Variants in MCF2L observed in about 807,000 individuals in gnomAD.
MCF2L encodes MCF.2 cell line derived transforming sequence like, also known as guanine nucleotide exchange factor DBS.
A neutral mutation model predicts 153.4 loss-of-function variants in MCF2L; 97 were observed. The observed-to-expected ratio is 0.63, with a 90% CI of 0.54 to 0.75. The LOEUF is 0.75. Ranked by LOEUF, MCF2L falls within the 30% of genes least tolerant of loss-of-function variation. The pLI is 0.00. For missense variants in MCF2L, 1,347 were observed against 1,495.2 expected (o/e 0.90, Z 1.64); for synonymous variants, 659 against 632.2 (o/e 1.04, Z -0.64).
At chr13:112,956,421 A>G (rs2081758097) in intron 2 of MCF2L, 1 of 152,286 alleles carries the variant, frequency 6.6e-6, no homozygotes, top group Admixed American at 6.5e-5. Context: ...TTAAGTGTTA[A>G]TGACATTCTG....
At position 113,046,308 on chromosome 13, in the gene MCF2L, C is replaced by A; in HGVS notation, c.369+947C>A. 3.4e-6 allele frequency: 1 copy of A among 293,984 alleles called. No homozygotes were observed. The highest frequency in any genetic ancestry group is 4.8e-5 in the Admixed American group (1 of 20,746). 18.2% of individuals were successfully genotyped at this position (293,984 alleles called of 1,614,324 possible). A position where few individuals can be genotyped will look rare whatever the true frequency, so the allele number is the denominator to read the frequency against. On this transcript the variant is annotated intron_variant, in intron 4 of 29. Coordinates refer to ENST00000535094, the MANE Select transcript of MCF2L (RefSeq NM_001112732.3). This position sits in a 1 kb window ranked among gnomAD's most constrained non-coding sequence, Gnocchi z 4.4. ...GTGACCCAGAGCCTGGGTCCAGGCA[C>A]CTGCATGTTCTCACGCCCGCCACAG...
At chr13:112,897,459 G>T (rs1214899445) in intron 1 of MCF2L, among the ~76,000 whole-genome samples, 1 of 152,190 alleles carries the variant, frequency 6.6e-6, no homozygotes, top group East Asian at 1.9e-4. Context: ...TCCCCATGGG[G>T]TTCCACAGCA....
At chr13:113,006,686 G>A (rs907078212) in intron 1 of MCF2L, among the ~76,000 whole-genome samples, 3 of 152,312 alleles carry the variant, frequency 2.0e-5, no homozygotes, top group Non-Finnish European at 2.9e-5. Context: ...GGGGGCTGGC[G>A]GGAGACACTA....
intron 3 of MCF2L, among the ~76,000 whole-genome samples, chr13:113,038,405 C>T (rs2086275131): frequency 6.7e-6 from 1 of 148,714 alleles, no homozygotes; most frequent in Non-Finnish European, 1.5e-5. Flanking sequence ...GCGGAGCTTG[C>T]AGTGAGCTGA....
At chr13:113,065,890 C>T (rs770262373) in intron 7 of MCF2L, among the ~76,000 whole-genome samples, 156 bp from the exon 8 acceptor site, 7 of 152,352 alleles carry the variant, frequency 4.6e-5, no homozygotes, top group Middle Eastern at 6.8e-3. Flanking sequence ...CCTGCCCGCA[C>T]GACCCCACAG....
rs898864715 is a variant in MCF2L, at chr13:112,917,599, G to A, written c.169+15228G>A. Reference sequence around the variant, plus strand: ...ACAGCCCCCTCCGGTGGCCCACCTGGCCCTTCGTGCCTTCCTTCCTCCCTC... The same window carrying A: ...ACAGCCCCCTCCGGTGGCCCACCTGACCCTTCGTGCCTTCCTTCCTCCCTC... On this transcript the variant is annotated intron_variant, in intron 2 of 29. Coordinates refer to the MCF2L transcript ENST00000375608. The A allele has an allele frequency of 9.4e-5, 17 of 180,662 alleles. 2 individuals carry two copies. In the South Asian group the frequency reaches 2.0e-3, roughly 21 times the overall value. The allele number at this position is 180,662 out of a possible 1,614,324, so 11.2% of individuals were successfully genotyped here. A position where few individuals can be genotyped will look rare whatever the true frequency, so the allele number is the denominator to read the frequency against.
chr13:113,002,785 A>T (rs947405352), intron 1 of MCF2L, among the ~76,000 whole-genome samples: 5 of 152,266 alleles, frequency 3.3e-5, no homozygotes, highest in Admixed American at 2.6e-4. Flanking sequence ...ATTGATGAAT[A>T]ATTCATAAAA....
chr13:113,005,971 T>G (rs1488690844), intron 1 of MCF2L, among the ~76,000 whole-genome samples: 1 of 152,164 alleles, frequency 6.6e-6, no homozygotes, highest in African/African-American at 2.4e-5. Flanking sequence ...GCTGAGTAAA[T>G]GGGGCTGCTT....
chr13:113,050,220 CTGTGTGAG>C (rs1158419836), intron 4 of MCF2L, among the ~76,000 whole-genome samples: 19 of 146,952 alleles, frequency 1.3e-4, no homozygotes, highest in African/African-American at 3.7e-4. Context: ...GAATGTGAGA[CTGTGTGAG>C]TGTGTGAGTG....
rs1435549819 is a variant in MCF2L at position 113,035,828 on chromosome 13, C to G, written c.279-9443C>G. 1.3e-5 allele frequency among the ~76,000 whole-genome samples: 2 copies of G among 152,212 alleles called. No individual in the cohort carries two copies. Among genetic ancestry groups the G allele is most frequent in the African/African-American group, 2.4e-5 (1 of 41,454 alleles). ...GCTGTTTGACCCTGGATATGTCATT[C>G]ACTTCTGCGTTCCTCAGTTTCTGCA... On this transcript the variant is annotated intron_variant, in intron 3 of 29. Transcript: ENST00000535094. This position sits in a 1 kb window ranked among gnomAD's most constrained non-coding sequence, Gnocchi z 4.4.
chr13:112,972,469 T>TGTGG (rs1302440683), intron 1 of MCF2L, among the ~76,000 whole-genome samples: 1 of 124,206 alleles, frequency 8.1e-6, no homozygotes. Context: ...TGAGTGGGTG[T>TGTGG]GTGGGTGGAT....
Position 113,012,526 on chromosome 13 carries a change from A to G in MCF2L, c.80-2237A>G, listed in dbSNP as rs138475842. Among the ~76,000 whole-genome samples the G allele has an allele frequency of 2.3e-5, 2 of 88,018 alleles. 1 individual carries two copies. The highest frequency in any genetic ancestry group is 8.2e-4 in the East Asian group (2 of 2,448). 57.7% of individuals were successfully genotyped at this position (88,018 alleles called of 152,430 possible). A position where few individuals can be genotyped will look rare whatever the true frequency, so the allele number is the denominator to read the frequency against. ...GGCTGGGTGGATGGTGGACACTGCAATGAGGACGGTGGACACTGCGATGAG... is the reference window on the plus strand; with the variant it reads ...GGCTGGGTGGATGGTGGACACTGCAGTGAGGACGGTGGACACTGCGATGAG... On this transcript the variant is annotated intron_variant, in intron 1 of 29. Transcript: ENST00000535094.
intron 1 of MCF2L, among the ~76,000 whole-genome samples, chr13:112,975,076 T>C (rs2993273): frequency 0.038 from 5,858 of 152,356 alleles, 151 homozygotes; most frequent in Non-Finnish European, 0.063. Flanking sequence ...TTCACACTTC[T>C]ACCCTTCGGA....
At chr13:112,906,840 C>T (rs537193737) in intron 2 of MCF2L, among the ~76,000 whole-genome samples, 85 of 152,328 alleles carry the variant, frequency 5.6e-4, no homozygotes, top group Non-Finnish European at 9.6e-4. Flanking sequence ...TTAGAAACTC[C>T]ATCTATCCCC....
intron 2 of MCF2L, among the ~76,000 whole-genome samples, chr13:112,914,570 G>A (rs528014156): frequency 1.8e-4 from 27 of 152,334 alleles, no homozygotes; most frequent in African/African-American, 6.3e-4. Flanking sequence ...CGCTCTGTGA[G>A]CCACGTGATC....
chr13:112,992,043 G>A (rs770590040), intron 1 of MCF2L, among the ~76,000 whole-genome samples: 4 of 152,154 alleles, frequency 2.6e-5, no homozygotes, highest in Non-Finnish European at 5.9e-5. Context: ...TTTGAGCTCT[G>A]ACATGACATC....
intron 1 of MCF2L, among the ~76,000 whole-genome samples, chr13:112,994,759 T>C (rs1232659910): frequency 1.3e-5 from 2 of 152,172 alleles, no homozygotes; most frequent in African/African-American, 2.4e-5. Context: ...GGGCAGGACA[T>C]ATGGGCCTCC....
At position 112,969,269 on chromosome 13, in the gene MCF2L, GC is replaced by G. The variant is rs928228229; in HGVS notation, c.-106del. 12 of 1,479,946 alleles carry G rather than the reference GC, an allele frequency of 8.1e-6. No homozygotes were observed. Among genetic ancestry groups the G allele is most frequent in the African/African-American group, 1.4e-5 (1 of 70,962 alleles). The allele number at this position is 1,479,946 out of a possible 1,614,324, so 91.7% of individuals were successfully genotyped here. ...GCTGGAGGCTGAAAGCGCTGCCGTG[GC>G]CCCCTCCCCGCCTCCGCCGCGCCCC... On this transcript the variant is annotated 5_prime_UTR_variant, in exon 1 of 30. Coordinates refer to ENST00000535094, the MANE Select transcript of MCF2L (RefSeq NM_001112732.3). The surrounding 1 kb of genome is among the most constrained non-coding windows in gnomAD (Gnocchi z 4.8).
chr13:113,024,178 C>T (rs1374615325), intron 2 of MCF2L, among the ~76,000 whole-genome samples: 3 of 152,192 alleles, frequency 2.0e-5, no homozygotes, highest in Non-Finnish European at 4.4e-5. Flanking sequence ...AGAAGCTAGA[C>T]GATACCCACA....
Sources: allele counts gnomAD v4.1 joint callset (sites outside exome capture counted in the v4.1 genomes callset), GRCh38; gene constraint gnomAD v4.1.1; non-coding constraint Gnocchi (gnomAD v3.1); transcripts MANE v1.5; gene names NCBI Gene and HGNC (gene_info 2026-07-23, HGNC 2026-07-21).